Variants in PTPRB observed in about 807,000 individuals in gnomAD.
The protein encoded by PTPRB is receptor-type tyrosine-protein phosphatase beta.
Under a neutral mutation model 238.1 loss-of-function variants are expected in PTPRB, and 97 were observed. The observed-to-expected ratio is 0.41, with a 90% CI of 0.35 to 0.48. The LOEUF is 0.48. PTPRB is among the 20% of genes least tolerant of loss of function. The pLI is 0.30. For synonymous variants in PTPRB, 970 were observed against 995.4 expected (o/e 0.97, Z 0.48); for missense variants, 2,292 against 2,681.9 (o/e 0.85, Z 3.21).
intron 10 of PTPRB, among the ~76,000 whole-genome samples, chr12:70,576,897 A>C (rs1347011647): frequency 6.6e-6 from 1 of 152,140 alleles, no homozygotes; most frequent in Non-Finnish European, 1.5e-5. Flanking sequence ...TCGTAAATAC[A>C]AGGATGCCAC....
Position 70,635,369 on chromosome 12 carries a change from C to G in PTPRB, c.451+302G>C, listed in dbSNP as rs1249526388. On this transcript the variant is annotated intron_variant, in intron 2 of 33. Coordinates refer to ENST00000334414, the MANE Select transcript of PTPRB (RefSeq NM_001109754.4). ...ATCCATATTCCTACATCTAACAGTG[C>G]TTAACTGGCAGAGAAGAGAGGCTCA... Among the ~76,000 whole-genome samples the G allele has an allele frequency of 2.0e-5, 3 of 152,190 alleles. No individual in the cohort carries two copies. The East Asian group carries it at 5.8e-4, about 29-fold the overall frequency.
chr12:70,540,019 A>G lies in PTPRB; in HGVS notation c.5598T>C (p.His1866=), dbSNP rs1032408860. 1.9e-6 allele frequency: 3 copies of G among 1,604,650 alleles called. No individual in the cohort carries two copies. The highest frequency in any genetic ancestry group is 3.3e-5 in the Admixed American group (2 of 59,914). Residue 1866 remains histidine (H), a synonymous_variant, in exon 24 of 34, where the codon CAT becomes CAC. Transcript: ENST00000334414. ...GACGGGCAGAGGGTCTTTCTCGACCATGGCTGAAACATAAGGGAGATAACT... is the reference window on the plus strand; with the variant it reads ...GACGGGCAGAGGGTCTTTCTCGACCGTGGCTGAAACATAAGGGAGATAACT... ...ALLICRQKVS[H]GRERPSARLS...
intron 32 of PTPRB, among the ~76,000 whole-genome samples, chr12:70,526,189 CATTTA>C (rs1413037300): frequency 6.6e-6 from 1 of 151,956 alleles, no homozygotes; most frequent in Non-Finnish European, 1.5e-5. Context: ...TAGATAAGAA[CATTTA>C]ATTTAATTAA....
At position 70,518,726 on chromosome 12, in the gene PTPRB, A is replaced by G. The variant is rs1871380320; in HGVS notation, c.*2763T>C. ...TGGCTGCTTTCCAGAGAACAACAGA[A>G]TGACAATACAAAATTGATTTAATGA... is the stretch of plus-strand genomic sequence containing the variant. On this transcript the variant is annotated 3_prime_UTR_variant, in exon 34 of 34. Transcript: ENST00000334414. The G allele has an allele frequency of 6.6e-6, 1 of 152,344 alleles. No homozygotes were observed. The highest frequency in any genetic ancestry group is 1.9e-4 in the East Asian group (1 of 5,182). 9.4% of individuals were successfully genotyped at this position (152,344 alleles called of 1,614,324 possible). A position where few individuals can be genotyped will look rare whatever the true frequency, so the allele number is the denominator to read the frequency against.
At chr12:70,626,367 A>ATC (rs1885197829) in intron 2 of PTPRB, among the ~76,000 whole-genome samples, 5 of 80,604 alleles carry the variant, frequency 6.2e-5, no homozygotes, top group South Asian at 4.0e-4. Context: ...ATCTATCTAT[A>ATC]TTCCTGCCTG....
chr12:70,551,921 A>G (rs1876937485), intron 21 of PTPRB, among the ~76,000 whole-genome samples: 1 of 152,130 alleles, frequency 6.6e-6, no homozygotes, highest in African/African-American at 2.4e-5. Flanking sequence ...CCAAAGCCAG[A>G]CAGCTGCTCC....
chr12:70,586,603 C>T (rs1565980209), intron 9 of PTPRB, among the ~76,000 whole-genome samples: 1 of 152,192 alleles, frequency 6.6e-6, no homozygotes, highest in Non-Finnish European at 1.5e-5. Flanking sequence ...TTCCCTCTCA[C>T]TTTACATCAT....
intron 26 of PTPRB, chr12:70,539,375 A>T: frequency 1.8e-6 from 1 of 550,148 alleles, no homozygotes; most frequent in Non-Finnish European, 3.2e-6. Flanking sequence ...GAGATTTGTT[A>T]ATTCTTCCTT....
intron 21 of PTPRB, among the ~76,000 whole-genome samples, chr12:70,549,665 G>A (rs1876590377): frequency 6.6e-6 from 1 of 152,152 alleles, no homozygotes; most frequent in African/African-American, 2.4e-5. Flanking sequence ...ACTGTCTTGA[G>A]ACAGGCAGAA....
chr12:70,634,270 A>G (rs1209070589), intron 2 of PTPRB, among the ~76,000 whole-genome samples: 1 of 152,132 alleles, frequency 6.6e-6, no homozygotes, highest in African/African-American at 2.4e-5. Flanking sequence ...ATCAACACCT[A>G]AGGAAAAGAC....
Position 70,622,460 on chromosome 12 carries a change from T to G in PTPRB, c.638A>C (p.His213Pro), listed in dbSNP as rs753767644. The change falls in exon 3 of 34, where the codon CAC (histidine) becomes CCC (proline). Residue 213 changes from histidine (H) to proline (P), a missense_variant. Coordinates refer to ENST00000334414, the MANE Select transcript of PTPRB (RefSeq NM_001109754.4). Reference protein sequence around the residue: ...NSSERQHPNLHMTGITDTSWV... With the variant: ...NSSERQHPNLPMTGITDTSWV... ...TGATGTGTCTGTAATTCCAGTCATGTGCAGATTGGGATGCTGCCTCTCGCT... is the reference window on the plus strand; with the variant it reads ...TGATGTGTCTGTAATTCCAGTCATGGGCAGATTGGGATGCTGCCTCTCGCT... 3 of 1,613,312 alleles carry G rather than the reference T, an allele frequency of 1.9e-6. No individual in the cohort carries two copies. The highest frequency in any genetic ancestry group is 2.2e-5 in the South Asian group (2 of 91,074).
intron 21 of PTPRB, among the ~76,000 whole-genome samples, chr12:70,546,950 T>C (rs750441323): frequency 6.6e-6 from 1 of 152,218 alleles, no homozygotes; most frequent in Non-Finnish European, 1.5e-5. Flanking sequence ...GCTTGGTTTA[T>C]GTGGGAAAAC....
chr12:70,573,511 T>TC (rs201416280), intron 11 of PTPRB, among the ~76,000 whole-genome samples: 1,842 of 134,044 alleles, frequency 0.014, 34 homozygotes, highest in African/African-American at 0.049. Flanking sequence ...TTTTCTTTTT[T>TC]TTTTTTTTTT....
At chr12:70,608,101 GA>G (rs1884117090) in intron 4 of PTPRB, among the ~76,000 whole-genome samples, 1 of 152,232 alleles carries the variant, frequency 6.6e-6, no homozygotes, top group African/African-American at 2.4e-5. Flanking sequence ...TGTAGCAAAA[GA>G]AATGATCCTG....
intron 22 of PTPRB, chr12:70,543,176 A>G (rs962876830): frequency 1.3e-5 from 2 of 152,100 alleles, no homozygotes; most frequent in Non-Finnish European, 2.9e-5. Flanking sequence ...GCTATTTTCT[A>G]ATCCAAGGTT....
chr12:70,625,484 T>C (rs1445883203), intron 2 of PTPRB, among the ~76,000 whole-genome samples: 1 of 152,072 alleles, frequency 6.6e-6, no homozygotes, highest in East Asian at 1.9e-4. Context: ...TCTTATGTGG[T>C]TACTGAAGGA....
chr12:70,540,382 A>G (rs1874870730), intron 23 of PTPRB: 1 of 213,556 alleles, frequency 4.7e-6, no homozygotes, highest in African/African-American at 2.3e-5. Context: ...AAAATTCACT[A>G]AGAGAAGAAG....
At chr12:70,554,259 TC>T (rs1877317917) in intron 20 of PTPRB, among the ~76,000 whole-genome samples, 1 of 152,184 alleles carries the variant, frequency 6.6e-6, no homozygotes, top group African/African-American at 2.4e-5. Flanking sequence ...GTTTCAAGTT[TC>T]CCCCTTACCC....
chr12:70,633,662 T>C (rs1173319117), intron 2 of PTPRB, among the ~76,000 whole-genome samples: 1 of 152,190 alleles, frequency 6.6e-6, no homozygotes, highest in Non-Finnish European at 1.5e-5. Flanking sequence ...CCAACACATA[T>C]TATCAGGCAT....
Sources: allele counts gnomAD v4.1 joint callset (sites outside exome capture counted in the v4.1 genomes callset), GRCh38; gene constraint gnomAD v4.1.1; transcripts MANE v1.5; gene names NCBI Gene and HGNC (gene_info 2026-07-23, HGNC 2026-07-21).